The following COMMD1 variants were observed in gnomAD, a reference collection of about 807,000 sequenced individuals.
COMMD1 encodes the protein copper metabolism domain containing 1.
Under a neutral mutation model 17.2 loss-of-function variants are expected in COMMD1, and 10 were observed. The ratio of observed to expected loss-of-function variants is 0.58; its 90% CI spans 0.36 to 0.99. COMMD1 has a LOEUF of 0.99. COMMD1 is among the 50% of genes least tolerant of loss of function. COMMD1 has a pLI of 0.01. For synonymous variants in COMMD1, 97 were observed against 91.6 expected (o/e 1.06, Z -0.34); for missense variants, 270 against 231.8 (o/e 1.17, Z -1.07).
intron 2 of COMMD1, among the ~76,000 whole-genome samples, chr2:62,097,877 G>T (rs973903246): frequency 6.6e-6 from 1 of 152,164 alleles, no homozygotes; most frequent in Non-Finnish European, 1.5e-5. Flanking sequence ...GTTAGAAGTA[G>T]GGGGGAAACC....
chr2:62,047,036 T>G (rs1670402424), intron 2 of COMMD1, among the ~76,000 whole-genome samples: 1 of 152,180 alleles, frequency 6.6e-6, no homozygotes, highest in South Asian at 2.1e-4. Flanking sequence ...TACCAAAAAG[T>G]ATTCAGGAGA....
intron 1 of COMMD1, among the ~76,000 whole-genome samples, chr2:61,927,471 C>T (rs951403279): frequency 1.5e-4 from 23 of 149,992 alleles, no homozygotes; most frequent in African/African-American, 5.7e-4. Context: ...CAGCTCACTG[C>T]ACACTCCACC....
rs1021935688 is a variant in COMMD1 at position 61,926,670 on chromosome 2, A to G, written c.180+20812A>G. On this transcript the variant is annotated intron_variant, in intron 1 of 2. Coordinates refer to ENST00000311832, the MANE Select transcript of COMMD1 (RefSeq NM_152516.4). ...ATGTCGACTTACTGAGCTTGAGACAATACAAAGTTGGCTTTTTCCTTTACT... is the reference window on the plus strand; with the variant it reads ...ATGTCGACTTACTGAGCTTGAGACAGTACAAAGTTGGCTTTTTCCTTTACT... Among the ~76,000 whole-genome samples, 17 of 152,198 alleles carry G rather than the reference A, an allele frequency of 1.1e-4. No individual in the cohort carries two copies. The East Asian group carries it at 2.7e-3, about 24-fold the overall frequency.
chr2:62,007,110 T>C (rs1428889445), intron 2 of COMMD1, among the ~76,000 whole-genome samples: 1 of 152,204 alleles, frequency 6.6e-6, no homozygotes, highest in Non-Finnish European at 1.5e-5. Flanking sequence ...TAAAACTCTT[T>C]TCTTTGTTGT....
At chr2:61,955,330 C>CTCTCTCTCTCTG (rs1671170668) in intron 1 of COMMD1, among the ~76,000 whole-genome samples, 1 of 151,780 alleles carries the variant, frequency 6.6e-6, no homozygotes, top group African/African-American at 2.4e-5. Flanking sequence ...CTCTCTCTCT[C>CTCTCTCTCTCTG]TCTCTCTGTC....
At chr2:62,091,332 G>A (rs564127153) in intron 2 of COMMD1, among the ~76,000 whole-genome samples, 1 of 152,328 alleles carries the variant, frequency 6.6e-6, no homozygotes, top group East Asian at 1.9e-4. Context: ...CTCCTCATTA[G>A]TCATGAACTC....
chr2:62,068,067 C>T (rs767451827), intron 2 of COMMD1, among the ~76,000 whole-genome samples: 2 of 152,124 alleles, frequency 1.3e-5, no homozygotes, highest in Admixed American at 6.5e-5. Context: ...CCATTCAGTT[C>T]GTGGTCCCAG....
intron 2 of COMMD1, among the ~76,000 whole-genome samples, chr2:62,112,706 C>T (rs971598884): frequency 6.6e-6 from 1 of 152,098 alleles, no homozygotes; most frequent in African/African-American, 2.4e-5. Context: ...ATTTGGAAGC[C>T]AAGACTCAAA....
intron 2 of COMMD1, among the ~76,000 whole-genome samples, chr2:62,124,789 A>T (rs980080851): frequency 2.0e-5 from 3 of 152,078 alleles, no homozygotes; most frequent in Admixed American, 2.0e-4. Context: ...GCCTCAAGCA[A>T]TCCACCTGCC....
At chr2:62,105,821 C>A (rs1219381603) in intron 2 of COMMD1, among the ~76,000 whole-genome samples, 3 of 150,910 alleles carry the variant, frequency 2.0e-5, no homozygotes, top group East Asian at 2.0e-4. Context: ...GAAACTCTGT[C>A]TCAAAATAAA....
intron 2 of COMMD1, among the ~76,000 whole-genome samples, chr2:62,103,721 G>A (rs1164211242): frequency 6.6e-6 from 1 of 152,140 alleles, no homozygotes; most frequent in East Asian, 1.9e-4. Flanking sequence ...GATCATAAAA[G>A]CACAGGAAAA....
chr2:62,022,903 A>T (rs896579185), intron 2 of COMMD1, among the ~76,000 whole-genome samples: 2 of 152,184 alleles, frequency 1.3e-5, no homozygotes, highest in Non-Finnish European at 1.5e-5. Context: ...AAGTAAATGT[A>T]CTTCATGGAC....
intron 1 of COMMD1, among the ~76,000 whole-genome samples, chr2:61,982,379 G>T (rs991682853): frequency 3.9e-5 from 6 of 152,002 alleles, no homozygotes; most frequent in African/African-American, 1.4e-4. Flanking sequence ...AGTTGTAATG[G>T]TTTTTTTGGT....
intron 2 of COMMD1, among the ~76,000 whole-genome samples, chr2:62,017,967 C>A (rs1669501168): frequency 6.7e-6 from 1 of 150,026 alleles, no homozygotes; most frequent in South Asian, 2.1e-4. Context: ...TCACTGGAGC[C>A]TGGGAGGGGA....
At chr2:61,922,081 A>T (rs1024500097) in intron 1 of COMMD1, among the ~76,000 whole-genome samples, 1 of 152,214 alleles carries the variant, frequency 6.6e-6, no homozygotes, top group Non-Finnish European at 1.5e-5. Context: ...TCAGTTTTAT[A>T]GCCCTTTTAA....
intron 2 of COMMD1, among the ~76,000 whole-genome samples, chr2:62,115,149 G>T (rs559153382): frequency 1.3e-5 from 2 of 152,224 alleles, no homozygotes; most frequent in Admixed American, 1.3e-4. Context: ...CGGTTAAAAC[G>T]ACTATTTTGC....
At chr2:61,900,195 A>G (rs1043543339) in intron 1 of COMMD1, among the ~76,000 whole-genome samples, 4 of 152,242 alleles carry the variant, frequency 2.6e-5, no homozygotes, top group Non-Finnish European at 5.9e-5. Context: ...AATTTTATGC[A>G]TTTCAGGGAG....
intron 1 of COMMD1, among the ~76,000 whole-genome samples, chr2:61,971,494 G>A (rs1392879641): frequency 6.6e-6 from 1 of 152,138 alleles, no homozygotes; most frequent in Non-Finnish European, 1.5e-5. Flanking sequence ...ACTGTGGCGT[G>A]CCTGGGCATC....
At chr2:61,897,093 G>A (rs1393490957) in intron 1 of COMMD1, among the ~76,000 whole-genome samples, 2 of 152,072 alleles carry the variant, frequency 1.3e-5, no homozygotes, top group African/African-American at 2.4e-5. Context: ...GCCTCCCAAA[G>A]TGTTGGGATT....
Sources: gnomAD v4.1 joint callset for allele counts (sites outside exome capture counted in the v4.1 genomes callset) on GRCh38, gnomAD v4.1.1 for gene constraint, MANE v1.5 for transcripts, NCBI Gene and HGNC (gene_info 2026-07-23, HGNC 2026-07-21) for gene names.